GAPVD1: variants seen among roughly 807,000 people sequenced by gnomAD.
The protein encoded by GAPVD1 is GTPase activating protein and VPS9 domains 1, also known as GTPase-activating protein and VPS9 domain-containing protein 1.
A neutral mutation model predicts 155.5 loss-of-function variants in GAPVD1; 35 were observed. That is an observed-to-expected ratio of 0.23 (90% CI 0.17 to 0.30). GAPVD1 has a LOEUF of 0.30. GAPVD1 is among the 10% of genes least tolerant of loss of function. The probability of loss-of-function intolerance (pLI) is 1.00; values close to 1 mark genes in which losing one functional copy is unlikely to be tolerated. For synonymous variants in GAPVD1, 636 were observed against 619.7 expected (o/e 1.03, Z -0.39); for missense variants, 1,429 against 1,775.7 (o/e 0.80, Z 3.51).
chr9:125,262,930 G>A (rs994031794), intron 1 of GAPVD1, among the ~76,000 whole-genome samples: 11 of 152,032 alleles, frequency 7.2e-5, no homozygotes, highest in African/African-American at 2.7e-4. Flanking sequence ...TACAGTTGCA[G>A]ATAGCTCAGA....
At chr9:125,350,621 C>A in intron 22 of GAPVD1, 92 bp from the exon 23 acceptor site, 1 of 783,320 alleles carries the variant, frequency 1.3e-6, no homozygotes, top group Non-Finnish European at 2.1e-6. Context: ...TGATACGTGA[C>A]AAAGCAGAAT....
chr9:125,317,407 C>G (rs532705017), intron 9 of GAPVD1, among the ~76,000 whole-genome samples: 1 of 151,190 alleles, frequency 6.6e-6, no homozygotes, highest in South Asian at 2.1e-4. Context: ...GGGTGGATCA[C>G]CTGAAGTTGG....
intron 15 of GAPVD1, among the ~76,000 whole-genome samples, chr9:125,335,592 G>A (rs1159732764): frequency 6.6e-6 from 1 of 151,796 alleles, no homozygotes; most frequent in Non-Finnish European, 1.5e-5. Flanking sequence ...CAGGAGAATC[G>A]CTTGAACCCA....
chr9:125,276,399 A>T (rs1005904228), intron 2 of GAPVD1, among the ~76,000 whole-genome samples: 1 of 152,200 alleles, frequency 6.6e-6, no homozygotes, highest in Non-Finnish European at 1.5e-5. Flanking sequence ...TTTTGAAGAA[A>T]TATCTTTCCA....
At chr9:125,266,812 G>A (rs1256140011) in intron 1 of GAPVD1, among the ~76,000 whole-genome samples, 2 of 152,076 alleles carry the variant, frequency 1.3e-5, no homozygotes, top group Non-Finnish European at 2.9e-5. Context: ...CCAGGCTGGA[G>A]TGCAGTGGCG....
chr9:125,280,461 C>T (rs1836609486), intron 2 of GAPVD1, among the ~76,000 whole-genome samples: 1 of 149,586 alleles, frequency 6.7e-6, no homozygotes, highest in East Asian at 2.0e-4. Context: ...TAGTTGGTGT[C>T]TAGCACCTGG....
chr9:125,320,753 G>C (rs1418550681), intron 9 of GAPVD1, among the ~76,000 whole-genome samples: 1 of 151,962 alleles, frequency 6.6e-6, no homozygotes, highest in Non-Finnish European at 1.5e-5. Context: ...AGCCTCCCGA[G>C]TAGCTGGGAC....
chr9:125,287,900 C>T (rs1446937909), intron 2 of GAPVD1: 1 of 151,602 alleles, frequency 6.6e-6, no homozygotes, highest in African/African-American at 2.4e-5. Context: ...GCCACCATGT[C>T]CAGCTAGTTT....
intron 2 of GAPVD1, among the ~76,000 whole-genome samples, chr9:125,282,525 A>C (rs1042870787): frequency 6.6e-5 from 10 of 152,110 alleles, no homozygotes; most frequent in African/African-American, 2.4e-4. Flanking sequence ...TTACCTCTTT[A>C]GTTACGACTT....
In GAPVD1 at chr9:125,350,477, C is replaced by T. The variant is rs573575813; in HGVS notation, c.3409+73C>T. ...ACCATATGAAATTGCCAGTATTCAG[C>T]TGTTGAAGCTGTACAGCAATTCCAT... On this transcript the variant is annotated intron_variant, in intron 22 of 27. Coordinates refer to ENST00000297933, the MANE Select transcript of GAPVD1 (RefSeq NM_001282680.3). 5.3e-6 allele frequency: 5 copies of T among 951,432 alleles called. No homozygotes were observed. The South Asian group carries it at 5.4e-5, about 10-fold the overall frequency. 58.9% of individuals were successfully genotyped at this position (951,432 alleles called of 1,614,324 possible). A position where few individuals can be genotyped will look rare whatever the true frequency, so the allele number is the denominator to read the frequency against.
At chr9:125,326,389 A>G (rs1845183105) in intron 11 of GAPVD1, 27 bp from the exon 12 acceptor site, 2 of 1,532,166 alleles carry the variant, frequency 1.3e-6, no homozygotes, top group Non-Finnish European at 1.8e-6. Context: ...CTACTATTTT[A>G]AAAGTGCTTA....
chr9:125,326,700 A>ATATATATATATAG, intron 12 of GAPVD1, 111 bp downstream of exon 12: 1 of 746,012 alleles, frequency 1.3e-6, no homozygotes, highest in Non-Finnish European at 2.3e-6. Flanking sequence ...TGTTAGCACC[A>ATATATATATATAG]TCTGGGAAAC....
chr9:125,361,901 T>C (rs1013672793), intron 27 of GAPVD1, among the ~76,000 whole-genome samples: 1 of 152,228 alleles, frequency 6.6e-6, no homozygotes, highest in Non-Finnish European at 1.5e-5. Flanking sequence ...AAAGTGTGTG[T>C]GACATATGTC....
At chr9:125,326,990 C>A (rs1845282761) in intron 12 of GAPVD1, among the ~76,000 whole-genome samples, 1 of 152,100 alleles carries the variant, frequency 6.6e-6, no homozygotes, top group Non-Finnish European at 1.5e-5. Context: ...AGATTATAGC[C>A]ATAAAATCTT....
rs866852478 is a variant in GAPVD1 at position 125,308,232 on chromosome 9, G to A, written c.1441+352G>A. On this transcript the variant is annotated intron_variant, in intron 8 of 27. Coordinates refer to ENST00000297933, the MANE Select transcript of GAPVD1 (RefSeq NM_001282680.3). ...GTGGTGGCACGTGCCTGTGGTCCCT[G>A]CTACTTGGGAGGCTGAGATGGGGAG... 5.4e-5 allele frequency: 15 copies of A among 277,698 alleles called. No homozygotes were observed. In the South Asian group the frequency reaches 9.7e-4, roughly 18 times the overall value. The allele number at this position is 277,698 out of a possible 1,614,324, so 17.2% of individuals were successfully genotyped here.
intron 1 of GAPVD1, among the ~76,000 whole-genome samples, chr9:125,267,511 C>G (rs1355871612): frequency 6.6e-6 from 1 of 152,076 alleles, no homozygotes; most frequent in Non-Finnish European, 1.5e-5. Flanking sequence ...TTTCTGCCTT[C>G]TGATTCTCCT....
chr9:125,362,743 G>A lies in GAPVD1; in HGVS notation c.4380G>A (p.Lys1460=), dbSNP rs780154876. 2 of 1,613,384 alleles carry A rather than the reference G, an allele frequency of 1.2e-6. No homozygotes were observed. The highest frequency in any genetic ancestry group is 1.7e-6 in the Non-Finnish European group (2 of 1,179,624). ...VEFIKTIDDR[K] ...TCATTAAAACCATCGATGACCGAAA[G>A]TGACCAAGACCAAGGCCCACCAAGG... is the stretch of plus-strand genomic sequence containing the variant. The change falls in exon 28 of 28, where the codon AAG becomes AAA. Residue 1460 remains lysine, a synonymous_variant. Coordinates refer to ENST00000297933, the MANE Select transcript of GAPVD1 (RefSeq NM_001282680.3).
chr9:125,277,793 C>G (rs1399626007), intron 2 of GAPVD1, among the ~76,000 whole-genome samples: 1 of 151,710 alleles, frequency 6.6e-6, no homozygotes, highest in African/African-American at 2.4e-5. Flanking sequence ...CCTCAGCCTC[C>G]CAAGTACCTG....
chr9:125,319,660 G>A (rs1007988290), intron 9 of GAPVD1, among the ~76,000 whole-genome samples: 7 of 149,058 alleles, frequency 4.7e-5, no homozygotes, highest in African/African-American at 1.5e-4. Flanking sequence ...GGAGTGCAGT[G>A]GTGCAATCTC....
Sources: allele counts gnomAD v4.1 joint callset (sites outside exome capture counted in the v4.1 genomes callset), GRCh38; gene constraint gnomAD v4.1.1; transcripts MANE v1.5; gene names NCBI Gene and HGNC (gene_info 2026-07-23, HGNC 2026-07-21).